The following VGLL1 variants were observed in gnomAD, a reference collection of about 807,000 sequenced individuals.
VGLL1 encodes transcription cofactor vestigial-like protein 1.
VGLL1 carries 4 observed loss-of-function variants against 12.0 expected under a neutral mutation model. The observed-to-expected ratio is 0.33, with a 90% confidence interval of 0.16 to 0.76. The LOEUF (loss-of-function observed/expected upper bound fraction) is 0.76, where lower values mean the gene tolerates loss of function less well. Among genes scored for constraint, VGLL1 ranks in the 30% least tolerant of loss-of-function variants. The pLI, the probability that VGLL1 is intolerant of heterozygous loss-of-function variation, is 0.60. For missense variants in VGLL1, 204 were observed against 208.7 expected (o/e 0.98, Z 0.14); for synonymous variants, 87 against 81.2 (o/e 1.07, Z -0.39).
intron 4 of VGLL1, among the ~76,000 whole-genome samples, chrX:136,554,931 A>T (rs945940452): frequency 2.7e-5 from 3 of 112,496 alleles, no homozygotes; most frequent in Non-Finnish European, 3.8e-5. Flanking sequence ...TTTGGGATGT[A>T]TATTAGTCCT....
At chrX:136,553,230 C>T (rs1026937411) in intron 4 of VGLL1, among the ~76,000 whole-genome samples, 29 of 109,945 alleles carry the variant, frequency 2.6e-4, no homozygotes, top group African/African-American at 8.9e-4. Flanking sequence ...AGCTTGTTCA[C>T]TGCCCAGATC....
chrX:136,554,793 T>C (rs1348167614), intron 4 of VGLL1, among the ~76,000 whole-genome samples: 2 of 112,454 alleles, frequency 1.8e-5, no homozygotes, highest in East Asian at 2.8e-4. Flanking sequence ...CTAGGTTTCA[T>C]GTTTCAACAA....
chrX:136,551,732 T>G (rs112308464), intron 4 of VGLL1, among the ~76,000 whole-genome samples: 2 of 111,487 alleles, frequency 1.8e-5, no homozygotes, highest in African/African-American at 6.5e-5. Flanking sequence ...CCATCAAGAA[T>G]TCTTTTTGGA....
intron 2 of VGLL1, among the ~76,000 whole-genome samples, chrX:136,546,963 G>A (rs1288764785): frequency 7.1e-5 from 8 of 113,041 alleles, no homozygotes; most frequent in Non-Finnish European, 1.5e-4. Context: ...GAGATGTTGG[G>A]GAGAATGTCT....
At chrX:136,532,613 C>A (rs1603307850) in intron 1 of VGLL1, among the ~76,000 whole-genome samples, 1 of 89,466 alleles carries the variant, frequency 1.1e-5, no homozygotes, top group East Asian at 3.4e-4. Flanking sequence ...TTCTTTCTTT[C>A]TTTCTTTCTT....
intron 4 of VGLL1, among the ~76,000 whole-genome samples, chrX:136,552,522 G>A (rs1043049556): frequency 4.5e-5 from 5 of 112,276 alleles, no homozygotes; most frequent in Non-Finnish European, 9.4e-5. Context: ...AAAACTAACA[G>A]CAACAACAAC....
intron 2 of VGLL1, among the ~76,000 whole-genome samples, chrX:136,539,040 T>G (rs1247171682): frequency 9.0e-6 from 1 of 111,670 alleles, no homozygotes. Context: ...ATGTGGTGTG[T>G]GGGATTCAGA....
At chrX:136,554,989 G>A (rs1176693851) in intron 4 of VGLL1, among the ~76,000 whole-genome samples, 3 of 112,260 alleles carry the variant, frequency 2.7e-5, no homozygotes, top group Non-Finnish European at 5.6e-5. Flanking sequence ...CCTAGTCAGA[G>A]GACGTAGACA....
intron 2 of VGLL1, 89 bp from the exon 3 acceptor site, chrX:136,548,498 TAA>T: frequency 1.1e-6 from 1 of 919,641 alleles, no homozygotes; most frequent in Non-Finnish European, 1.5e-6. Context: ...TCCTTCAAGT[TAA>T]AAAAAATAGA....
intron 4 of VGLL1, among the ~76,000 whole-genome samples, chrX:136,551,174 G>C (rs1485580264): frequency 1.8e-5 from 2 of 109,754 alleles, no homozygotes; most frequent in African/African-American, 3.3e-5. Context: ...TGAGGATGAG[G>C]ATTAGCTTGC....
intron 2 of VGLL1, 91 bp downstream of exon 2, chrX:136,536,325 C>T (rs1357136046): frequency 2.1e-6 from 2 of 937,351 alleles, no homozygotes; most frequent in Non-Finnish European, 1.5e-6. Flanking sequence ...CACTTGGACA[C>T]TTATATGTTT....
chrX:136,556,574 G>A lies in VGLL1; in HGVS notation c.*35G>A, dbSNP rs370933831. On this transcript the variant is annotated 3_prime_UTR_variant, in exon 5 of 5. Transcript: ENST00000370634. ...AGGAGAAAGACAACACTTGGTCTAA[G>A]ACACGGCAGCAAGACATCCCTGCAT... is the stretch of plus-strand genomic sequence containing the variant. 75 of 1,139,118 alleles carry A rather than the reference G, an allele frequency of 6.6e-5. No individual in the cohort carries two copies. In the African/African-American group the frequency reaches 1.2e-3, roughly 18 times the overall value. The allele number at this position is 1,139,118 out of a possible 1,213,427, so 93.9% of individuals were successfully genotyped here. A position where few individuals can be genotyped will look rare whatever the true frequency, so the allele number is the denominator to read the frequency against.
intron 1 of VGLL1, among the ~76,000 whole-genome samples, chrX:136,535,738 G>C (rs909044020): frequency 9.0e-6 from 1 of 111,495 alleles, no homozygotes; most frequent in Non-Finnish European, 1.9e-5. Flanking sequence ...CAGGTTGCCT[G>C]ATCATTCTCA....
chrX:136,553,728 T>C (rs969054501), intron 4 of VGLL1, among the ~76,000 whole-genome samples: 1 of 111,829 alleles, frequency 8.9e-6, no homozygotes, highest in African/African-American at 3.2e-5. Flanking sequence ...TCCAGAAAAA[T>C]ATTTGTCAAG....
intron 2 of VGLL1, among the ~76,000 whole-genome samples, chrX:136,547,859 T>C (rs3027866): frequency 2.7e-5 from 3 of 111,846 alleles, no homozygotes; most frequent in Middle Eastern, 4.6e-3. Context: ...GTTAGCATAA[T>C]AGAAAAAAAT....
At chrX:136,543,927 C>T (rs1014848947) in intron 2 of VGLL1, among the ~76,000 whole-genome samples, 3 of 112,022 alleles carry the variant, frequency 2.7e-5, no homozygotes, top group Non-Finnish European at 5.6e-5. Flanking sequence ...TGGTTTCTTA[C>T]GTTTTTGCTT....
chrX:136,549,856 T>A (rs1337278452), intron 3 of VGLL1, among the ~76,000 whole-genome samples: 2 of 111,713 alleles, frequency 1.8e-5, no homozygotes, highest in Non-Finnish European at 3.8e-5. Flanking sequence ...TATTTTATAG[T>A]TTCATGGAAC....
At chrX:136,555,593 CA>C (rs2075898897) in intron 4 of VGLL1, among the ~76,000 whole-genome samples, 1 of 111,498 alleles carries the variant, frequency 9.0e-6, no homozygotes, top group African/African-American at 3.3e-5. Context: ...TTCATAAGAA[CA>C]GGGGCTGTTC....
At chrX:136,536,539 C>T (rs2075840400) in intron 2 of VGLL1, among the ~76,000 whole-genome samples, 1 of 111,246 alleles carries the variant, frequency 9.0e-6, no homozygotes, top group African/African-American at 3.3e-5. Context: ...CTCTTCCCTC[C>T]CTTCTCCTAA....
Sources: allele counts gnomAD v4.1 joint callset (sites outside exome capture counted in the v4.1 genomes callset), GRCh38; gene constraint gnomAD v4.1.1; transcripts MANE v1.5; gene names NCBI Gene and HGNC (gene_info 2026-07-23, HGNC 2026-07-21).